Variants in FCHSD2 observed in about 807,000 individuals in gnomAD.
The protein encoded by FCHSD2 is F-BAR and double SH3 domains protein 2.
Under a neutral mutation model 108.1 loss-of-function variants are expected in FCHSD2, and 38 were observed. The observed-to-expected ratio is 0.35, with a 90% CI of 0.27 to 0.46. The LOEUF (loss-of-function observed/expected upper bound fraction) is 0.46. Ranked by LOEUF, FCHSD2 falls within the 20% of genes least tolerant of loss-of-function variation. FCHSD2 has a pLI of 1.00. For missense variants in FCHSD2, 751 were observed against 897.8 expected, an observed-to-expected ratio of 0.84 and a Z score of 2.09; for synonymous variants, 279 against 314.7, an observed-to-expected ratio of 0.89 and a Z score of 1.20.
At chr11:72,840,150 A>G (rs1860868730) in intron 19 of FCHSD2, among the ~76,000 whole-genome samples, 1 of 152,178 alleles carries the variant, frequency 6.6e-6, no homozygotes, top group Non-Finnish European at 1.5e-5. Flanking sequence ...CTTAGCTGCC[A>G]TAGCGATGCT....
intron 8 of FCHSD2, among the ~76,000 whole-genome samples, chr11:72,951,834 T>G (rs1856626036): frequency 6.6e-6 from 1 of 152,232 alleles, no homozygotes; most frequent in African/African-American, 2.4e-5. Flanking sequence ...AGATCAATCA[T>G]GCTTGCTGAG....
intron 3 of FCHSD2, among the ~76,000 whole-genome samples, chr11:73,026,267 C>A (rs575845861): frequency 6.6e-6 from 1 of 152,076 alleles, no homozygotes; most frequent in African/African-American, 2.4e-5. Flanking sequence ...CATAAGCCAC[C>A]GTACCCAGCC....
At position 72,841,590 on chromosome 11, in the gene FCHSD2, C is replaced by G; in HGVS notation, c.1927-7G>C. On this transcript the variant is annotated splice_polypyrimidine_tract_variant and splice_region_variant and intron_variant, in intron 17 of 19. Coordinates refer to ENST00000409418, the MANE Select transcript of FCHSD2 (RefSeq NM_014824.3). ...GCTTGGGGGAAGGAGAGATCTGCAGCAAAGGGAAGCGAGGTTACCCGGTGC... is the reference window on the plus strand; with the variant it reads ...GCTTGGGGGAAGGAGAGATCTGCAGGAAAGGGAAGCGAGGTTACCCGGTGC... 1 of 1,595,850 alleles carries G rather than the reference C, an allele frequency of 6.3e-7. No individual in the cohort carries two copies. The highest frequency in any genetic ancestry group is 8.5e-7 in the Non-Finnish European group (1 of 1,172,272).
chr11:73,002,493 T>C (rs965438964), intron 4 of FCHSD2, among the ~76,000 whole-genome samples: 1 of 152,198 alleles, frequency 6.6e-6, no homozygotes, highest in Non-Finnish European at 1.5e-5. Flanking sequence ...CTCTCCCTCC[T>C]AAGCAGTCCC....
chr11:73,081,828 T>C (rs1353297171), intron 3 of FCHSD2, among the ~76,000 whole-genome samples: 3 of 152,162 alleles, frequency 2.0e-5, no homozygotes, highest in Non-Finnish European at 4.4e-5. Flanking sequence ...ATAACATATA[T>C]AAAATACTCA....
intron 2 of FCHSD2, among the ~76,000 whole-genome samples, chr11:73,114,274 C>T (rs1218128290): frequency 6.6e-6 from 1 of 152,014 alleles, no homozygotes; most frequent in Non-Finnish European, 1.5e-5. Context: ...GGCTCAAGTG[C>T]TCTTCAGTCA....
At chr11:72,842,383 A>G (rs1860986230) in intron 17 of FCHSD2, among the ~76,000 whole-genome samples, 1 of 152,242 alleles carries the variant, frequency 6.6e-6, no homozygotes, top group Admixed American at 6.5e-5. Context: ...ATTTTGGTTA[A>G]CCAATTCAAG....
chr11:72,985,890 AT>A (rs912504539), intron 6 of FCHSD2, among the ~76,000 whole-genome samples: 10 of 150,626 alleles, frequency 6.6e-5, no homozygotes, highest in Non-Finnish European at 1.0e-4. Flanking sequence ...AGGACCAGTG[AT>A]TTTTTTTTTA....
At chr11:73,109,438 C>A (rs139241556) in intron 2 of FCHSD2, among the ~76,000 whole-genome samples, 10 of 150,516 alleles carry the variant, frequency 6.6e-5, no homozygotes. Flanking sequence ...AGATCTTTCA[C>A]TTCATCAGTT....
At chr11:72,986,692 G>A (rs1857318966) in intron 6 of FCHSD2, among the ~76,000 whole-genome samples, 1 of 151,850 alleles carries the variant, frequency 6.6e-6, no homozygotes, top group African/African-American at 2.4e-5. Flanking sequence ...TCCAATATAA[G>A]GTTTTAAATT....
At chr11:72,931,527 G>A (rs899956644) in intron 8 of FCHSD2, among the ~76,000 whole-genome samples, 6 of 151,590 alleles carry the variant, frequency 4.0e-5, no homozygotes, top group Non-Finnish European at 7.4e-5. Flanking sequence ...AGCACTTTGG[G>A]AGGCCAAGGC....
chr11:73,038,347 GAAA>G (rs112268354), intron 3 of FCHSD2, among the ~76,000 whole-genome samples: 1 of 99,332 alleles, frequency 1.0e-5, no homozygotes, highest in Non-Finnish European at 2.1e-5. Flanking sequence ...GTCTCTTTAA[GAAA>G]AAAAAAAAAA....
At chr11:73,018,580 T>C (rs1858026051) in intron 3 of FCHSD2, among the ~76,000 whole-genome samples, 1 of 151,774 alleles carries the variant, frequency 6.6e-6, no homozygotes, top group Non-Finnish European at 1.5e-5. Flanking sequence ...ATTTAGTTGA[T>C]ACCGATAAGA....
At chr11:72,924,833 T>C (rs3207374) in intron 8 of FCHSD2, among the ~76,000 whole-genome samples, 3,129 of 152,276 alleles carry the variant, frequency 0.021, 89 homozygotes, top group African/African-American at 0.071. Flanking sequence ...CATGTAATTA[T>C]GTAACATAAC....
In FCHSD2 at chr11:72,842,678, T is replaced by C. The variant is rs1591330959; in HGVS notation, c.1869A>G (p.Leu623=). 6.2e-7 allele frequency: 1 copy of C among 1,614,012 alleles called. No individual in the cohort carries two copies. The highest frequency in any genetic ancestry group is 8.5e-7 in the Non-Finnish European group (1 of 1,179,894). ...NGRIGVFPSV[L]VEELSASENG... ...TTTCTGAGGCTGAAAGTTCTTCCAC[T>C]AGCACCGATGGGAAAACTCCAATAC... The change falls in exon 17 of 20, where the codon CTA becomes CTG. Residue 623 remains leucine, a synonymous_variant. Transcript: ENST00000409418.
At chr11:72,954,632 G>A (rs1856679079) in intron 8 of FCHSD2, among the ~76,000 whole-genome samples, 1 of 152,072 alleles carries the variant, frequency 6.6e-6, no homozygotes, top group Admixed American at 6.6e-5. Flanking sequence ...TACTGAAATT[G>A]GGAAGATCAA....
At chr11:72,906,056 C>T (rs1855624169) in intron 9 of FCHSD2, among the ~76,000 whole-genome samples, 2 of 152,344 alleles carry the variant, frequency 1.3e-5, no homozygotes, top group South Asian at 4.1e-4. Flanking sequence ...CTCCCACCAA[C>T]AGTGTAAAAG....
chr11:72,861,669 C>A (rs1182890486), intron 13 of FCHSD2, among the ~76,000 whole-genome samples: 1 of 152,140 alleles, frequency 6.6e-6, no homozygotes, highest in African/African-American at 2.4e-5. Flanking sequence ...CTGGCTCATG[C>A]CTGTAATCCC....
rs576020584 is a variant in FCHSD2, at chr11:73,085,221, A to AT, written c.120-1482dup. Among the ~76,000 whole-genome samples the AT allele has an allele frequency of 1.1e-4, 16 of 151,890 alleles. No homozygotes were observed. In the East Asian group the frequency reaches 1.2e-3, roughly 11 times the overall value. ...CCAATACAATAAAACGAAGACTAAG[A>AT]TTTTTTTTTAAATGTTTATTCAAAA... On this transcript the variant is annotated intron_variant, in intron 2 of 19. Transcript: ENST00000409418.
Sources: gnomAD v4.1 joint callset for allele counts (sites outside exome capture counted in the v4.1 genomes callset) on GRCh38, gnomAD v4.1.1 for gene constraint, MANE v1.5 for transcripts, NCBI Gene and HGNC (gene_info 2026-07-23, HGNC 2026-07-21) for gene names.